Variants in FGD6 observed in about 807,000 individuals in gnomAD.
The protein encoded by FGD6 is FYVE, RhoGEF and PH domain-containing protein 6.
In FGD6, 90 loss-of-function variants were observed where a neutral mutation model predicts 149.4. That is an observed-to-expected ratio of 0.60 (90% CI 0.51 to 0.72). FGD6 has a LOEUF of 0.72. Ranked by LOEUF, FGD6 falls within the 30% of genes least tolerant of loss-of-function variation. The pLI is 0.00. For synonymous variants in FGD6, 527 were observed against 584.0 expected, an observed-to-expected ratio of 0.90 and a Z score of 1.41; for missense variants, 1,437 against 1,684.8, an observed-to-expected ratio of 0.85 and a Z score of 2.57.
At chr12:95,120,185 C>T (rs61935772) in intron 8 of FGD6, among the ~76,000 whole-genome samples, 3 of 144,370 alleles carry the variant, frequency 2.1e-5, no homozygotes, top group Non-Finnish European at 4.6e-5. Context: ...GCTGACATCA[C>T]GTCACTGCAC....
intron 2 of FGD6, among the ~76,000 whole-genome samples, chr12:95,177,107 C>A (rs1881155996): frequency 6.6e-6 from 1 of 152,118 alleles, no homozygotes; most frequent in Admixed American, 6.5e-5. Context: ...GGATTACAGG[C>A]ATGAGCCACC....
intron 6 of FGD6, among the ~76,000 whole-genome samples, chr12:95,139,266 C>T (rs779444286): frequency 4.6e-5 from 7 of 152,058 alleles, no homozygotes; most frequent in Admixed American, 1.3e-4. Context: ...ACAGGGCAAC[C>T]TGTCTCTACA....
At chr12:95,178,036 G>C (rs1465494322) in intron 2 of FGD6, among the ~76,000 whole-genome samples, 2 of 151,744 alleles carry the variant, frequency 1.3e-5, no homozygotes, top group Non-Finnish European at 2.9e-5. Flanking sequence ...AAAGTGCTGG[G>C]ATGACAGCAT....
intron 1 of FGD6, 116 bp downstream of exon 1, chr12:95,217,109 G>C (rs1028444030): frequency 2.0e-6 from 3 of 1,504,382 alleles, no homozygotes; most frequent in African/African-American, 2.8e-5. Context: ...CGAGGTGCTC[G>C]GCAAAGGTAC....
At chr12:95,108,252 A>G (rs1393110900) in intron 11 of FGD6, 96 bp downstream of exon 11, 1 of 1,095,052 alleles carries the variant, frequency 9.1e-7, no homozygotes, top group Admixed American at 2.5e-5. Flanking sequence ...AATGAAGAGT[A>G]ACAAAAACAA....
intron 8 of FGD6, among the ~76,000 whole-genome samples, chr12:95,134,145 T>G (rs1348398350): frequency 6.6e-6 from 1 of 152,078 alleles, no homozygotes; most frequent in African/African-American, 2.4e-5. Context: ...TTATTCCTGT[T>G]TTTTTTAGAC....
Position 95,209,127 on chromosome 12 carries a change from A to C in FGD6, c.2157T>G (p.Ala719=). 6.2e-7 allele frequency: 1 copy of C among 1,614,148 alleles called. No homozygotes were observed. Among genetic ancestry groups the C allele is most frequent in the Non-Finnish European group, 8.5e-7 (1 of 1,180,026 alleles). Residue 719 remains alanine, a synonymous_variant, in exon 2 of 21, where the codon GCT becomes GCG. Transcript: ENST00000343958. ...GQTSAANGLR[A]ESLDDQMLSR... ...AGAGCATTTGGTCATCCAAAGACTC[A>C]GCTCTCAGACCATTAGCTGCACTGG...
chr12:95,107,527 A>G (rs376379058), intron 12 of FGD6, 36 bp downstream of exon 12: 1 of 1,607,384 alleles, frequency 6.2e-7, no homozygotes, highest in African/African-American at 1.3e-5. Flanking sequence ...AACTATCCCT[A>G]CCTCGGCCAC....
chr12:95,166,820 A>T (rs1055888015), intron 3 of FGD6, among the ~76,000 whole-genome samples: 1 of 148,858 alleles, frequency 6.7e-6, no homozygotes, highest in Non-Finnish European at 1.5e-5. Context: ...TAGTTTATCC[A>T]CTCATCATTT....
chr12:95,102,464 AAAAC>A (rs1434646232), intron 14 of FGD6, among the ~76,000 whole-genome samples: 94 of 129,616 alleles, frequency 7.3e-4, no homozygotes, highest in African/African-American at 2.4e-3. Flanking sequence ...AAAAAAAAAA[AAAAC>A]ACAACAACAA....
rs560502118 is a variant in FGD6 at position 95,119,290 on chromosome 12, C to T, written c.3083-5589G>A. Among the ~76,000 whole-genome samples, 5 of 152,140 alleles carry T rather than the reference C, an allele frequency of 3.3e-5. No individual in the cohort carries two copies. In the East Asian group the frequency reaches 9.6e-4, roughly 29 times the overall value. ...ATTCTCATTCCAAAATATCATGAAA[C>T]ATATTTTGTTGAATAAAATAAAAAA... is the stretch of plus-strand genomic sequence containing the variant. On this transcript the variant is annotated intron_variant, in intron 8 of 20. Coordinates refer to ENST00000343958, the MANE Select transcript of FGD6 (RefSeq NM_018351.4).
At chr12:95,133,689 C>CA (rs1275730503) in intron 8 of FGD6, among the ~76,000 whole-genome samples, 1 of 152,124 alleles carries the variant, frequency 6.6e-6, no homozygotes, top group Non-Finnish European at 1.5e-5. Context: ...AATTTTAATG[C>CA]GTATTATATA....
rs1881428152 is a variant in FGD6 at position 95,186,225 on chromosome 12, C to CTTTTTTTTTT, written c.2442-13482_2442-13481insAAAAAAAAAA. Reference sequence around the variant, plus strand: ...AGCTAAGAATGCTTCTTATATTCTTCTTCTTTTTTTTTTTTTTTTTTTTTT... The same window carrying CTTTTTTTTTT: ...AGCTAAGAATGCTTCTTATATTCTTCTTTTTTTTTTTTCTTTTTTTTTTTTTTTTTTTTTT... On this transcript the variant is annotated intron_variant, in intron 2 of 20. Transcript: ENST00000343958. Among the ~76,000 whole-genome samples, 36 of 71,186 alleles carry CTTTTTTTTTT rather than the reference C, an allele frequency of 5.1e-4. 14 individuals carry two copies. The highest frequency in any genetic ancestry group is 9.6e-4 in the African/African-American group (18 of 18,656). 46.7% of individuals were successfully genotyped at this position (71,186 alleles called of 152,430 possible). A position where few individuals can be genotyped will look rare whatever the true frequency, so the allele number is the denominator to read the frequency against.
chr12:95,217,288 T>TC lies in FGD6; in HGVS notation c.-49dup. 6.3e-7 allele frequency: 1 copy of TC among 1,584,126 alleles called. No individual in the cohort carries two copies. The highest frequency in any genetic ancestry group is 8.6e-7 in the Non-Finnish European group (1 of 1,160,248). ...CCCCGCTCGGCCCCTCAATCCATCT[T>TC]CCCCTTTCAGTCCATTGTTCCCACA... On this transcript the variant is annotated 5_prime_UTR_variant, in exon 1 of 21. Transcript: ENST00000343958.
chr12:95,162,800 A>G (rs1259811127), intron 3 of FGD6, among the ~76,000 whole-genome samples: 2 of 152,122 alleles, frequency 1.3e-5, no homozygotes, highest in Non-Finnish European at 2.9e-5. Flanking sequence ...AATGCCAGAA[A>G]CCTGGACTCT....
At chr12:95,184,542 T>C (rs1019782935) in intron 2 of FGD6, among the ~76,000 whole-genome samples, 1 of 150,456 alleles carries the variant, frequency 6.6e-6, no homozygotes, top group Admixed American at 6.6e-5. Flanking sequence ...GGGGAAGCTG[T>C]AGAGGGTGTC....
chr12:95,168,558 G>A (rs964738496), intron 3 of FGD6, among the ~76,000 whole-genome samples: 1 of 151,966 alleles, frequency 6.6e-6, no homozygotes, highest in Admixed American at 6.6e-5. Flanking sequence ...AGCTACTCAG[G>A]AGGCTCAGGC....
chr12:95,124,953 A>G (rs77210229), intron 8 of FGD6, among the ~76,000 whole-genome samples: 1,946 of 152,324 alleles, frequency 0.013, 29 homozygotes, highest in Non-Finnish European at 0.021. Context: ...TTAATGCAGT[A>G]CTAAAGAAGT....
At position 95,173,376 on chromosome 12, in the gene FGD6, C is replaced by CAA. The variant is rs562005030; in HGVS notation, c.2442-634_2442-633dup. Among the ~76,000 whole-genome samples, 403 of 152,292 alleles carry CAA rather than the reference C, an allele frequency of 2.6e-3. 2 individuals carry two copies. The Middle Eastern group carries it at 0.037, about 14-fold the overall frequency. On this transcript the variant is annotated intron_variant, in intron 2 of 20. Transcript: ENST00000343958. Reference sequence around the variant, plus strand: ...GGCCCAGCAATTTGCCCAGCAATTACAACTACCTGGGGCACAGGGCCTAGC... The same window carrying CAA: ...GGCCCAGCAATTTGCCCAGCAATTACAAAACTACCTGGGGCACAGGGCCTAGC...
Sources: gnomAD v4.1 joint callset for allele counts (sites outside exome capture counted in the v4.1 genomes callset) on GRCh38, gnomAD v4.1.1 for gene constraint, MANE v1.5 for transcripts, NCBI Gene and HGNC (gene_info 2026-07-23, HGNC 2026-07-21) for gene names.